GALNT3: variants seen among roughly 807,000 people sequenced by gnomAD.
GALNT3 encodes the protein polypeptide N-acetylgalactosaminyltransferase 3.
A neutral mutation model predicts 69.8 loss-of-function variants in GALNT3; 51 were observed. The ratio of observed to expected loss-of-function variants is 0.73; its 90% CI spans 0.58 to 0.92. The LOEUF is 0.92. Ranked by LOEUF, GALNT3 falls within the 40% of genes least tolerant of loss-of-function variation. The probability of loss-of-function intolerance (pLI) is 0.00; values close to 1 mark genes in which losing one functional copy is unlikely to be tolerated. For synonymous variants in GALNT3, 265 were observed against 248.5 expected, an observed-to-expected ratio of 1.07 and a Z score of -0.63; for missense variants, 711 against 760.0, an observed-to-expected ratio of 0.94 and a Z score of 0.76.
chr2:165,784,410 G>A (rs1266550004), intron 1 of GALNT3, among the ~76,000 whole-genome samples: 3 of 152,184 alleles, frequency 2.0e-5, no homozygotes, highest in Non-Finnish European at 4.4e-5. Flanking sequence ...AGTAGTCCAG[G>A]CAAGAGATAA....
chr2:165,775,455 G>A (rs900055233), intron 1 of GALNT3, among the ~76,000 whole-genome samples: 1 of 152,184 alleles, frequency 6.6e-6, no homozygotes, highest in Non-Finnish European at 1.5e-5. Context: ...GGAAGATGAT[G>A]TTTTGATCTT....
At chr2:165,772,327 A>G (rs1239402679) in intron 1 of GALNT3, among the ~76,000 whole-genome samples, 1 of 152,120 alleles carries the variant, frequency 6.6e-6, no homozygotes, top group African/African-American at 2.4e-5. Flanking sequence ...GCTCATGCCT[A>G]TAATCCCAAC....
chr2:165,765,529 G>A (rs540559445), intron 2 of GALNT3, among the ~76,000 whole-genome samples: 53 of 148,612 alleles, frequency 3.6e-4, no homozygotes, highest in African/African-American at 1.1e-3. Flanking sequence ...TCTCTCTGTC[G>A]CCCAGGCTGG....
At chr2:165,775,928 A>T (rs1182027345) in intron 1 of GALNT3, among the ~76,000 whole-genome samples, 1 of 152,238 alleles carries the variant, frequency 6.6e-6, no homozygotes, top group African/African-American at 2.4e-5. Flanking sequence ...TTCTTGATGT[A>T]AATGAATAGA....
chr2:165,779,936 G>A (rs1683067239), intron 1 of GALNT3, among the ~76,000 whole-genome samples: 1 of 152,144 alleles, frequency 6.6e-6, no homozygotes, highest in Non-Finnish European at 1.5e-5. Flanking sequence ...AAATCCATAT[G>A]TAGAATACTT....
At chr2:165,749,019 G>A (rs1021918545) in intron 10 of GALNT3, 116 bp from the exon 11 acceptor site, 8 of 1,088,470 alleles carry the variant, frequency 7.3e-6, no homozygotes, top group African/African-American at 6.3e-5. Context: ...TTTCTAAGGT[G>A]AGCCATGTCT....
At chr2:165,787,400 G>A (rs1030592507) in intron 1 of GALNT3, among the ~76,000 whole-genome samples, 4 of 152,224 alleles carry the variant, frequency 2.6e-5, no homozygotes, top group Admixed American at 1.3e-4. Flanking sequence ...CTTTGGGCAT[G>A]TTAAGGAGTT....
intron 2 of GALNT3, among the ~76,000 whole-genome samples, chr2:165,767,617 T>C (rs1260275696): frequency 1.3e-5 from 2 of 152,196 alleles, no homozygotes; most frequent in South Asian, 4.1e-4. Context: ...ACATGTTAAA[T>C]GTATGCTTTG....
chr2:165,791,982 A>T (rs1214039000), intron 1 of GALNT3, among the ~76,000 whole-genome samples: 2 of 152,178 alleles, frequency 1.3e-5, no homozygotes, highest in African/African-American at 4.8e-5. Context: ...AAAAAGATAA[A>T]CATCTTATGG....
intron 4 of GALNT3, among the ~76,000 whole-genome samples, chr2:165,761,281 A>G (rs746394978): frequency 1.3e-5 from 2 of 152,144 alleles, no homozygotes; most frequent in Non-Finnish European, 2.9e-5. Context: ...GCACAATCTC[A>G]GCTCACTGCA....
At chr2:165,769,363 A>G (rs745812257) in intron 2 of GALNT3, among the ~76,000 whole-genome samples, 5 of 148,452 alleles carry the variant, frequency 3.4e-5, no homozygotes, top group Admixed American at 6.7e-5. Flanking sequence ...CCGAGATCAC[A>G]CTACTGCACT....
rs1451417846 is a variant in GALNT3, at chr2:165,770,186, T to C, written c.515A>G (p.Glu172Gly). The change falls in exon 2 of 11, where the codon GAA (glutamate) becomes GGA (glycine). Residue 172 changes from glutamate to glycine, a missense_variant and splice_region_variant. Transcript: ENST00000392701. ...RDLGPDTRPP[E>G]CIEQKFKRCP... ...AAACAATAAATATTCTTCAACATAC[T>C]CAGGAGGTCGAGTGTCTGGTCCAAG... 6.2e-7 allele frequency: 1 copy of C among 1,613,918 alleles called. No homozygotes were observed.
chr2:165,748,950 TAAGTGAC>T (rs1688307355), intron 10 of GALNT3, 47 bp from the exon 11 acceptor site: 6 of 1,565,276 alleles, frequency 3.8e-6, no homozygotes, highest in Non-Finnish European at 4.4e-6. Flanking sequence ...GACTCATAGT[TAAGTGAC>T]AAATATGAAA....
chr2:165,775,587 C>T (rs1688833159), intron 1 of GALNT3, among the ~76,000 whole-genome samples: 1 of 152,148 alleles, frequency 6.6e-6, no homozygotes, highest in African/African-American at 2.4e-5. Flanking sequence ...CAATATTAGG[C>T]TTCCATTAAT....
At position 165,747,790 on chromosome 2, in the gene GALNT3, C is replaced by G. The variant is rs1688285779; in HGVS notation, c.*991G>C. On this transcript the variant is annotated 3_prime_UTR_variant, in exon 11 of 11. Transcript: ENST00000392701. Reference sequence around the variant, plus strand: ...GATTTTACCCAAAAGAGGAAAAAAACTTAACCAAATGATTACAATAGTGTT... The same window carrying G: ...GATTTTACCCAAAAGAGGAAAAAAAGTTAACCAAATGATTACAATAGTGTT... 6.1e-6 allele frequency: 1 copy of G among 164,892 alleles called. No homozygotes were observed. The highest frequency in any genetic ancestry group is 6.4e-5 in the Admixed American group (1 of 15,530). The allele number at this position is 164,892 out of a possible 1,614,324, so 10.2% of individuals were successfully genotyped here. A position where few individuals can be genotyped will look rare whatever the true frequency, so the allele number is the denominator to read the frequency against.
intron 2 of GALNT3, 61 bp from the exon 3 acceptor site, chr2:165,765,117 A>G (rs1688616078): frequency 3.0e-6 from 4 of 1,334,726 alleles, no homozygotes; most frequent in Non-Finnish European, 4.3e-6. Context: ...TTTCACAGCT[A>G]TACCATTGCT....
chr2:165,749,014 A>G, intron 10 of GALNT3, 111 bp from the exon 11 acceptor site: 1 of 1,130,880 alleles, frequency 8.8e-7, no homozygotes, highest in Non-Finnish European at 1.3e-6. Flanking sequence ...AAATCTTTCT[A>G]AGGTGAGCCA....
intron 4 of GALNT3, among the ~76,000 whole-genome samples, chr2:165,761,126 AACAC>A (rs199906382): frequency 6.6e-6 from 1 of 151,306 alleles, no homozygotes; most frequent in Non-Finnish European, 1.5e-5. Flanking sequence ...TAAAAAAAAA[AACAC>A]ACACACAAAC....
intron 1 of GALNT3, among the ~76,000 whole-genome samples, chr2:165,791,814 G>C (rs1683358552): frequency 6.6e-6 from 1 of 152,172 alleles, no homozygotes; most frequent in Admixed American, 6.5e-5. Flanking sequence ...TCATCAATAT[G>C]CATGCTATTC....
Sources: gnomAD v4.1 joint callset for allele counts (sites outside exome capture counted in the v4.1 genomes callset) on GRCh38, gnomAD v4.1.1 for gene constraint, MANE v1.5 for transcripts, NCBI Gene and HGNC (gene_info 2026-07-23, HGNC 2026-07-21) for gene names.